The following HERC4 variants were observed in gnomAD, a reference collection of about 807,000 sequenced individuals.
HERC4 encodes the protein probable E3 ubiquitin-protein ligase HERC4.
In HERC4, 28 loss-of-function variants were observed where a neutral mutation model predicts 124.3. The ratio of observed to expected loss-of-function variants is 0.23; its 90% CI spans 0.17 to 0.31. HERC4 has a LOEUF of 0.31. Among genes scored for constraint, HERC4 ranks in the 10% least tolerant of loss-of-function variants. The probability of loss-of-function intolerance (pLI) is 1.00; values close to 1 mark genes in which losing one functional copy is unlikely to be tolerated. For synonymous variants in HERC4, 407 were observed against 421.5 expected, an observed-to-expected ratio of 0.97 and a Z score of 0.42; for missense variants, 713 against 1,229.3, an observed-to-expected ratio of 0.58 and a Z score of 6.28.
chr10:68,008,747 T>C (rs969045560), intron 9 of HERC4, among the ~76,000 whole-genome samples: 4 of 152,174 alleles, frequency 2.6e-5, no homozygotes, highest in African/African-American at 9.7e-5. Flanking sequence ...GCAGCATTAT[T>C]CACAATAGCC....
intron 15 of HERC4, among the ~76,000 whole-genome samples, chr10:67,987,028 G>A (rs765467400): frequency 6.6e-5 from 10 of 152,118 alleles, no homozygotes; most frequent in Non-Finnish European, 1.2e-4. Context: ...TATATCTAGA[G>A]TATTCACATG....
intron 8 of HERC4, among the ~76,000 whole-genome samples, chr10:68,014,743 C>T (rs1420860777): frequency 6.6e-6 from 1 of 152,150 alleles, no homozygotes; most frequent in Non-Finnish European, 1.5e-5. Context: ...TGAAAGCAAA[C>T]CTAAGAAACC....
intron 23 of HERC4, among the ~76,000 whole-genome samples, chr10:67,932,235 G>A (rs955590196): frequency 6.6e-6 from 1 of 152,214 alleles, no homozygotes; most frequent in African/African-American, 2.4e-5. Context: ...GGGGTTACAG[G>A]TGTAAGCCAC....
At chr10:68,064,634 A>G (rs1296190086) in intron 3 of HERC4, among the ~76,000 whole-genome samples, 1 of 151,940 alleles carries the variant, frequency 6.6e-6, no homozygotes, top group East Asian at 1.9e-4. Flanking sequence ...ATTGATATAT[A>G]TATGTTCATT....
chr10:67,959,644 A>C (rs67602944), intron 16 of HERC4, among the ~76,000 whole-genome samples: 71,094 of 151,938 alleles, frequency 0.47, 20,646 homozygotes, highest in Non-Finnish European at 0.66. Context: ...AGAAAAAAAA[A>C]CAGTAAAACA....
chr10:68,059,552 AATATATATCATAATATTATATATC>A (rs1277462467), intron 3 of HERC4, among the ~76,000 whole-genome samples: 3 of 104,342 alleles, frequency 2.9e-5, no homozygotes, highest in East Asian at 7.6e-4. Flanking sequence ...TATATATCAT[AATATATATCATAATATTATATATC>A]ATATTATATA....
Position 67,956,900 on chromosome 10 carries a change from G to A in HERC4, c.2003C>T (p.Thr668Ile). 6.3e-7 allele frequency: 1 copy of A among 1,595,092 alleles called. No homozygotes were observed. The highest frequency in any genetic ancestry group is 8.5e-7 in the Non-Finnish European group (1 of 1,171,442). ...DAQAKTTLLQ[T>I]DAVLQMQMAI... The stretch of plus-strand genomic sequence containing the variant: ...TACCTGCATCTGTAAGACTGCATCG[G>A]TCTGTAACAGAGTAGTTTTTGCTTG... Residue 668 changes from threonine (T) to isoleucine (I), a missense_variant, in exon 17 of 25, where the codon ACC becomes ATC. Coordinates refer to ENST00000373700, the MANE Select transcript of HERC4 (RefSeq NM_015601.4).
At chr10:68,024,598 TAA>T (rs1161830126) in intron 8 of HERC4, among the ~76,000 whole-genome samples, 3 of 152,028 alleles carry the variant, frequency 2.0e-5, no homozygotes, top group African/African-American at 7.2e-5. Context: ...ATAAAAATCA[TAA>T]AAGTCTGATG....
rs529822510 is a variant in HERC4 at position 68,029,880 on chromosome 10, A to G, written c.777+2898T>C. Among the ~76,000 whole-genome samples, 43 of 151,164 alleles carry G rather than the reference A, an allele frequency of 2.8e-4. 1 individual carries two copies. The highest frequency in any genetic ancestry group is 1.0e-3 in the African/African-American group (42 of 41,306). ...CAGCCTCCCGACTACCTGGGATTAC[A>G]GGCGCCTGCCACCACGCCCGGCTAA... On this transcript the variant is annotated intron_variant, in intron 7 of 24. Transcript: ENST00000373700.
At chr10:68,046,097 CA>C (rs372604511) in intron 3 of HERC4, among the ~76,000 whole-genome samples, 38 of 141,520 alleles carry the variant, frequency 2.7e-4, no homozygotes, top group African/African-American at 9.8e-4. Flanking sequence ...CATACAAAAA[CA>C]AAAAAGGCAA....
At chr10:68,023,382 A>G (rs1564560217) in intron 8 of HERC4, among the ~76,000 whole-genome samples, 1 of 152,216 alleles carries the variant, frequency 6.6e-6, no homozygotes, top group Non-Finnish European at 1.5e-5. Context: ...AAATTCTGAC[A>G]TATATAGAAG....
rs543151810 is a variant in HERC4, at chr10:68,023,058, G to A, written c.908+2488C>T. On this transcript the variant is annotated intron_variant, in intron 8 of 24. Coordinates refer to ENST00000373700, the MANE Select transcript of HERC4 (RefSeq NM_015601.4). ...AGAAAATAACAGTGTTGGTGAGGAT[G>A]TAGAGAAACTGAAACCCTGTACACT... Among the ~76,000 whole-genome samples, 3 of 151,992 alleles carry A rather than the reference G, an allele frequency of 2.0e-5. No individual in the cohort carries two copies. The East Asian group carries it at 5.8e-4, about 29-fold the overall frequency.
At chr10:68,041,440 G>A (rs1322735953) in intron 4 of HERC4, among the ~76,000 whole-genome samples, 3 of 151,980 alleles carry the variant, frequency 2.0e-5, no homozygotes, top group Non-Finnish European at 4.4e-5. Context: ...CAAATTTTCA[G>A]ATGCTAAAAT....
intron 4 of HERC4, chr10:68,039,429 T>A: frequency 6.4e-7 from 1 of 1,550,646 alleles, no homozygotes; most frequent in South Asian, 1.2e-5. Flanking sequence ...GATTCTGCCA[T>A]AAGAGAGTCC....
chr10:67,946,181 G>T (rs925579152), intron 19 of HERC4, among the ~76,000 whole-genome samples: 2 of 151,670 alleles, frequency 1.3e-5, no homozygotes, highest in Non-Finnish European at 2.9e-5. Flanking sequence ...GAATCCAGGA[G>T]AGGCTTCAGT....
intron 15 of HERC4, among the ~76,000 whole-genome samples, chr10:67,983,397 A>G (rs533886010): frequency 1.3e-5 from 2 of 152,332 alleles, no homozygotes; most frequent in African/African-American, 4.8e-5. Context: ...CGAAAGCAGT[A>G]TATCATACAG....
At chr10:68,052,219 C>T (rs1299642631) in intron 3 of HERC4, among the ~76,000 whole-genome samples, 4 of 152,102 alleles carry the variant, frequency 2.6e-5, no homozygotes, top group African/African-American at 4.8e-5. Flanking sequence ...TTGTAGATAA[C>T]GACTTCGAAT....
intron 8 of HERC4, among the ~76,000 whole-genome samples, chr10:68,020,143 C>G (rs1302132497): frequency 6.6e-6 from 1 of 152,108 alleles, no homozygotes; most frequent in Non-Finnish European, 1.5e-5. Context: ...AGGGTGACTC[C>G]TGACACAGAT....
rs1199503839 is a variant in HERC4 at position 67,922,474 on chromosome 10, G to C, written c.*457C>G. 2 of 151,972 alleles carry C rather than the reference G, an allele frequency of 1.3e-5. No individual in the cohort carries two copies. The highest frequency in any genetic ancestry group is 4.8e-5 in the African/African-American group (2 of 41,332). The allele number at this position is 151,972 out of a possible 1,614,324, so 9.4% of individuals were successfully genotyped here. ...CTGTTCAAGTTCAATTACAACCATA[G>C]AAACTGTACTGGTATCAGAACATAA... On this transcript the variant is annotated 3_prime_UTR_variant, in exon 25 of 25. Coordinates refer to ENST00000373700, the MANE Select transcript of HERC4 (RefSeq NM_015601.4).
Sources: gnomAD v4.1 joint callset for allele counts (sites outside exome capture counted in the v4.1 genomes callset) on GRCh38, gnomAD v4.1.1 for gene constraint, MANE v1.5 for transcripts, NCBI Gene and HGNC (gene_info 2026-07-23, HGNC 2026-07-21) for gene names.